The following LIPC variants were observed in gnomAD, a reference collection of about 807,000 sequenced individuals.
LIPC encodes the protein lipase C, hepatic type.
LIPC carries 44 observed loss-of-function variants against 50.7 expected under a neutral mutation model. The observed-to-expected ratio is 0.87, with a 90% CI of 0.68 to 1.11. The LOEUF (loss-of-function observed/expected upper bound fraction) is 1.11, where lower values mean the gene tolerates loss of function less well. LIPC is among the 50% of genes most tolerant of loss of function. LIPC has a pLI of 0.00. For missense variants in LIPC, 697 were observed against 648.2 expected, an observed-to-expected ratio of 1.08 and a Z score of -0.82; for synonymous variants, 271 against 256.4, an observed-to-expected ratio of 1.06 and a Z score of -0.54.
intron 1 of LIPC, among the ~76,000 whole-genome samples, chr15:58,519,884 C>G (rs1823699): frequency 0.97 from 147,049 of 152,200 alleles, 71,188 homozygotes; most frequent in East Asian, 1. Context: ...ACCTTTCCCC[C>G]GCTATTTCTT....
At chr15:58,546,096 G>A in intron 5 of LIPC, 121 bp downstream of exon 5, 3 of 883,100 alleles carry the variant, frequency 3.4e-6, no homozygotes, top group South Asian at 2.8e-5. Flanking sequence ...GGGGCCCAGG[G>A]TGTATGGTCA....
At chr15:58,490,955 C>A (rs866424958) in intron 1 of LIPC, among the ~76,000 whole-genome samples, 3 of 152,148 alleles carry the variant, frequency 2.0e-5, no homozygotes, top group Non-Finnish European at 4.4e-5. Context: ...AAGGAAAGAG[C>A]GAGCCCATTA....
chr15:58,497,233 C>T (rs1355408825), intron 1 of LIPC, among the ~76,000 whole-genome samples: 3 of 152,116 alleles, frequency 2.0e-5, no homozygotes, highest in Non-Finnish European at 2.9e-5. Context: ...CACCCCCGAC[C>T]GAATGACAAA....
chr15:58,565,937 T>C (rs1439249336), intron 8 of LIPC: 35 of 976,754 alleles, frequency 3.6e-5, no homozygotes, highest in Non-Finnish European at 4.1e-5. Flanking sequence ...AAAATCTGAG[T>C]TGTGGCTCTT....
At chr15:58,529,966 G>C (rs1363903132) in intron 1 of LIPC, among the ~76,000 whole-genome samples, 2 of 152,270 alleles carry the variant, frequency 1.3e-5, no homozygotes, top group Non-Finnish European at 2.9e-5. Flanking sequence ...CAGGACAACT[G>C]AATGTTGACT....
At chr15:58,568,657 C>A in intron 8 of LIPC, 59 bp from the exon 9 acceptor site, 1 of 956,654 alleles carries the variant, frequency 1.0e-6, no homozygotes, top group Non-Finnish European at 1.7e-6. Context: ...AAGAATGAAA[C>A]ACTTCAATAA....
chr15:58,562,654 T>C (rs1366947693), intron 7 of LIPC, among the ~76,000 whole-genome samples: 1 of 152,170 alleles, frequency 6.6e-6, no homozygotes, highest in African/African-American at 2.4e-5. Flanking sequence ...ATTCAGTCAT[T>C]CAGCAAGCAT....
intron 5 of LIPC, among the ~76,000 whole-genome samples, chr15:58,547,724 T>A (rs2140926101): frequency 6.6e-6 from 1 of 151,734 alleles, no homozygotes; most frequent in South Asian, 2.1e-4. Context: ...TACTGGGCAA[T>A]GTCCTTCCAA....
intron 1 of LIPC, chr15:58,522,462 C>T (rs1892685990): frequency 1.3e-5 from 2 of 152,488 alleles, no homozygotes; most frequent in Admixed American, 1.3e-4. Flanking sequence ...AATCCAGACA[C>T]ACTGGAGCCT....
At chr15:58,468,984 C>A (rs16940339) in intron 1 of LIPC, among the ~76,000 whole-genome samples, 4,549 of 152,298 alleles carry the variant, frequency 0.03, 233 homozygotes, top group African/African-American at 0.1. Context: ...CTAAGCTCCA[C>A]TGCCCAGAGC....
At chr15:58,489,964 A>C (rs1891529044) in intron 1 of LIPC, among the ~76,000 whole-genome samples, 1 of 152,192 alleles carries the variant, frequency 6.6e-6, no homozygotes, top group African/African-American at 2.4e-5. Flanking sequence ...TCATCATTTC[A>C]CAAAGGCAGT....
chr15:58,538,805 G>A (rs896096050), intron 2 of LIPC, among the ~76,000 whole-genome samples: 3 of 152,170 alleles, frequency 2.0e-5, no homozygotes, highest in South Asian at 2.1e-4. Flanking sequence ...ATTGCAGTCC[G>A]TGCAGGAAGA....
intron 1 of LIPC, among the ~76,000 whole-genome samples, chr15:58,496,742 T>TAAAAAAAAAAAAAAAA (rs1891777528): frequency 9.9e-5 from 1 of 10,112 alleles, no homozygotes; most frequent in Non-Finnish European, 2.5e-4. Context: ...GTCTTCCCCC[T>TAAAAAAAAAAAAAAAA]CAAAAAAAAA....
chr15:58,446,830 A>T (rs1167354236), intron 1 of LIPC, among the ~76,000 whole-genome samples: 2 of 152,146 alleles, frequency 1.3e-5, no homozygotes, highest in Non-Finnish European at 2.9e-5. Context: ...TCAGAGGGCT[A>T]AGCAACACAC....
At chr15:58,454,512 TG>T (rs1429114938) in intron 1 of LIPC, 1 of 152,112 alleles carries the variant, frequency 6.6e-6, no homozygotes, top group Non-Finnish European at 1.5e-5. Flanking sequence ...CCAGGTCAAA[TG>T]GGGTCAGGAA....
intron 6 of LIPC, among the ~76,000 whole-genome samples, chr15:58,556,422 A>C (rs1893955019): frequency 6.6e-6 from 1 of 152,200 alleles, no homozygotes; most frequent in Non-Finnish European, 1.5e-5. Context: ...ATACTTGTAA[A>C]AGCTCTTTCT....
At chr15:58,515,996 CCACCACATGTTAGTG>C (rs1167233198) in intron 1 of LIPC, among the ~76,000 whole-genome samples, 1 of 152,180 alleles carries the variant, frequency 6.6e-6, no homozygotes, top group Non-Finnish European at 1.5e-5. Flanking sequence ...CATCGTCTGA[CCACCACATGTTAGTG>C]CACTGTGTTT....
chr15:58,565,374 A>T, intron 8 of LIPC: 1 of 1,509,760 alleles, frequency 6.6e-7, no homozygotes, highest in South Asian at 1.2e-5. Flanking sequence ...GCTTGACCTG[A>T]AAGGGTGGCT....
At chr15:58,453,193 G>A (rs533270939) in intron 1 of LIPC, among the ~76,000 whole-genome samples, 1 of 152,082 alleles carries the variant, frequency 6.6e-6, no homozygotes, top group Non-Finnish European at 1.5e-5. Flanking sequence ...TCTTCAGATG[G>A]CTAAAACAGG....
Sources: allele counts gnomAD v4.1 joint callset (sites outside exome capture counted in the v4.1 genomes callset), GRCh38; gene constraint gnomAD v4.1.1; transcripts MANE v1.5; gene names NCBI Gene and HGNC (gene_info 2026-07-23, HGNC 2026-07-21).